Variants in DGKG observed in about 807,000 individuals in gnomAD.
DGKG encodes the protein diacylglycerol kinase gamma, also known as DAG kinase gamma.
Under a neutral mutation model 105.3 loss-of-function variants are expected in DGKG, and 78 were observed. That is an observed-to-expected ratio of 0.74 (90% confidence interval 0.62 to 0.89). The LOEUF is 0.89. DGKG is among the 40% of genes least tolerant of loss of function. The probability of loss-of-function intolerance (pLI) is 0.00; values close to 1 mark genes in which losing one functional copy is unlikely to be tolerated. For missense variants in DGKG, 958 were observed against 1,020.1 expected (o/e 0.94, Z 0.83); for synonymous variants, 346 against 367.1 (o/e 0.94, Z 0.66).
Position 186,284,737 on chromosome 3 carries a change from A to T in DGKG, c.545-28T>A. On this transcript the variant is annotated intron_variant, in intron 6 of 24. Transcript: ENST00000265022. The surrounding 1 kb of genome is among the most constrained non-coding windows in gnomAD (Gnocchi z 4.0). ...GTAAGAAACACAGAGGTAAGCCTTG[A>T]GGTGTCCTCTAAGAAGCGCGGATGG... The T allele has an allele frequency of 6.2e-7, 1 of 1,608,184 alleles. No homozygotes were observed. Among genetic ancestry groups the T allele is most frequent in the Non-Finnish European group, 8.5e-7 (1 of 1,174,742 alleles).
intron 20 of DGKG, among the ~76,000 whole-genome samples, chr3:186,229,255 T>G (rs1385851120): frequency 6.6e-6 from 1 of 151,834 alleles, no homozygotes; most frequent in Admixed American, 6.6e-5. Context: ...CTTTTTTTTT[T>G]TTTTAGATGG....
intron 16 of DGKG, among the ~76,000 whole-genome samples, chr3:186,259,448 T>C (rs1282776486): frequency 2.0e-5 from 3 of 152,224 alleles, no homozygotes; most frequent in South Asian, 2.1e-4. Context: ...AGGTAAATCA[T>C]GGCAGGTGTA....
At chr3:186,243,697 A>C (rs1720793570) in intron 19 of DGKG, among the ~76,000 whole-genome samples, 1 of 152,156 alleles carries the variant, frequency 6.6e-6, no homozygotes, top group Non-Finnish European at 1.5e-5. Flanking sequence ...GCTGGGCTTC[A>C]GAAATAAACA....
At position 186,274,986 on chromosome 3, in the gene DGKG, T is replaced by C. The variant is rs557591659; in HGVS notation, c.910+561A>G. On this transcript the variant is annotated intron_variant, in intron 10 of 24. Coordinates refer to ENST00000265022, the MANE Select transcript of DGKG (RefSeq NM_001346.3). ...ACACTGTCTTCCACAATGGTTGAAC[T>C]AGTTTACAGTCCCACCAACAGTGTA... Among the ~76,000 whole-genome samples, 6 of 152,316 alleles carry C rather than the reference T, an allele frequency of 3.9e-5. No homozygotes were observed. The East Asian group carries it at 1.2e-3, about 29-fold the overall frequency.
intron 5 of DGKG, among the ~76,000 whole-genome samples, chr3:186,296,574 C>A (rs967630145): frequency 1.3e-5 from 2 of 152,234 alleles, no homozygotes; most frequent in Admixed American, 1.3e-4. Flanking sequence ...CTCTCACAGC[C>A]CAACAGTGGG....
chr3:186,205,438 G>A (rs1331749695), intron 21 of DGKG, among the ~76,000 whole-genome samples: 1 of 151,550 alleles, frequency 6.6e-6, no homozygotes, highest in African/African-American at 2.4e-5. Flanking sequence ...CGCCAGGCGC[G>A]GTGGCTCACG....
At chr3:186,268,966 C>T in intron 11 of DGKG, 49 bp from the exon 12 acceptor site, 1 of 1,376,214 alleles carries the variant, frequency 7.3e-7, no homozygotes, top group Non-Finnish European at 1.0e-6. Context: ...GAACCATGTC[C>T]CCGGGGCCCT....
intron 20 of DGKG, among the ~76,000 whole-genome samples, chr3:186,224,870 T>C (rs1302260593): frequency 2.0e-5 from 3 of 152,158 alleles, no homozygotes; most frequent in African/African-American, 4.8e-5. Flanking sequence ...TTGAACCTCA[T>C]GGTAAGTCTG....
chr3:186,313,167 C>A (rs922303543), intron 2 of DGKG, among the ~76,000 whole-genome samples: 3 of 152,140 alleles, frequency 2.0e-5, no homozygotes, highest in African/African-American at 7.2e-5. Flanking sequence ...GATGCCCAGG[C>A]CCCTTGCCTA....
Position 186,148,063 on chromosome 3 carries a change from A to G in DGKG, c.*2027T>C, listed in dbSNP as rs1715583479. 1 of 985,296 alleles carries G rather than the reference A, an allele frequency of 1.0e-6. No homozygotes were observed. The highest frequency in any genetic ancestry group is 1.1e-4 in the East Asian group (1 of 8,822). The allele number at this position is 985,296 out of a possible 1,614,324, so 61.0% of individuals were successfully genotyped here. A position where few individuals can be genotyped will look rare whatever the true frequency, so the allele number is the denominator to read the frequency against. On this transcript the variant is annotated 3_prime_UTR_variant, in exon 25 of 25. Coordinates refer to ENST00000265022, the MANE Select transcript of DGKG (RefSeq NM_001346.3). ...CCTTCTTTGTCCAAAGCTCCTGTCCAATGCAAGATTAGAGGCAGCTCAGTG... is the reference window on the plus strand; with the variant it reads ...CCTTCTTTGTCCAAAGCTCCTGTCCGATGCAAGATTAGAGGCAGCTCAGTG...
At chr3:186,223,099 C>T (rs927071735) in intron 20 of DGKG, among the ~76,000 whole-genome samples, 1 of 142,474 alleles carries the variant, frequency 7.0e-6, no homozygotes, top group African/African-American at 2.5e-5. Context: ...AAACTGGCTT[C>T]GTGGCCTCAT....
Position 186,320,696 on chromosome 3 carries a change from T to C in DGKG, c.-237A>G. 2.1e-6 allele frequency: 1 copy of C among 475,398 alleles called. No homozygotes were observed. 29.4% of individuals were successfully genotyped at this position (475,398 alleles called of 1,614,324 possible). On this transcript the variant is annotated 5_prime_UTR_variant, in exon 2 of 25. Transcript: ENST00000265022. ...TCTGTATTCAAGGTAAATTCAGAAG[T>C]CCTGGCTCTTCCTAGATAGAAGCAG...
intron 20 of DGKG, among the ~76,000 whole-genome samples, chr3:186,227,875 G>A (rs1719930006): frequency 6.6e-6 from 1 of 152,146 alleles, no homozygotes; most frequent in African/African-American, 2.4e-5. Context: ...AGACTCTGTT[G>A]TATCACCAAA....
In DGKG at chr3:186,147,939, A is replaced by G; in HGVS notation, c.*2151T>C. On this transcript the variant is annotated 3_prime_UTR_variant, in exon 25 of 25. Coordinates refer to ENST00000265022, the MANE Select transcript of DGKG (RefSeq NM_001346.3). ...AGGTGGCCTGGTTTTCCCCTTACTT[A>G]GCATTCTGCACTGTTAGGTTGAGCA... 2.0e-6 allele frequency: 2 copies of G among 985,424 alleles called. No individual in the cohort carries two copies. The highest frequency in any genetic ancestry group is 2.4e-6 in the Non-Finnish European group (2 of 829,934). 61.0% of individuals were successfully genotyped at this position (985,424 alleles called of 1,614,324 possible). A position where few individuals can be genotyped will look rare whatever the true frequency, so the allele number is the denominator to read the frequency against.
chr3:186,358,996 A>G (rs1727105208), intron 1 of DGKG, among the ~76,000 whole-genome samples: 1 of 152,240 alleles, frequency 6.6e-6, no homozygotes, highest in South Asian at 2.1e-4. Flanking sequence ...AAAAATAGGT[A>G]TAGCTTTATG....
chr3:186,233,581 G>A (rs936031143), intron 20 of DGKG, among the ~76,000 whole-genome samples: 1 of 152,158 alleles, frequency 6.6e-6, no homozygotes, highest in Non-Finnish European at 1.5e-5. Context: ...CCGGGTTCAC[G>A]CCATTCTCCT....
chr3:186,220,896 T>C (rs1578683659), intron 20 of DGKG, among the ~76,000 whole-genome samples: 2 of 152,200 alleles, frequency 1.3e-5, no homozygotes, highest in East Asian at 3.8e-4. Context: ...TCTCCATTGA[T>C]AGGATCTCCG....
chr3:186,177,057 A>T (rs1717117438), intron 22 of DGKG, among the ~76,000 whole-genome samples: 1 of 152,148 alleles, frequency 6.6e-6, no homozygotes, highest in East Asian at 1.9e-4. Context: ...GGCTTTGTCC[A>T]TTCTTCCCCT....
rs1721212826 is a variant in DGKG at position 186,251,288 on chromosome 3, G to T, written c.1761+471C>A. ...TGATGCCCATGGAGTGAGTGGAATG[G>T]GGTTGAGAGAAGAGAGAATAGGAGA... On this transcript the variant is annotated intron_variant, in intron 19 of 24. Coordinates refer to ENST00000265022, the MANE Select transcript of DGKG (RefSeq NM_001346.3). 3.9e-5 allele frequency among the ~76,000 whole-genome samples: 6 copies of T among 152,264 alleles called. No homozygotes were observed. The South Asian group carries it at 1.2e-3, about 32-fold the overall frequency.
Sources: allele counts gnomAD v4.1 joint callset (sites outside exome capture counted in the v4.1 genomes callset), GRCh38; gene constraint gnomAD v4.1.1; non-coding constraint Gnocchi (gnomAD v3.1); transcripts MANE v1.5; gene names NCBI Gene and HGNC (gene_info 2026-07-23, HGNC 2026-07-21).